VWA8: variants seen among roughly 807,000 people sequenced by gnomAD.
The protein encoded by VWA8 is von Willebrand factor A domain containing 8.
A neutral mutation model predicts 241.5 loss-of-function variants in VWA8; 221 were observed. That is an observed-to-expected ratio of 0.91 (90% CI 0.82 to 1.02). The LOEUF is 1.02. VWA8 is among the 50% of genes least tolerant of loss of function. The pLI is 0.00. For synonymous variants in VWA8, 852 were observed against 827.1 expected, an observed-to-expected ratio of 1.03 and a Z score of -0.52; for missense variants, 2,322 against 2,328.7, an observed-to-expected ratio of 1.00 and a Z score of 0.06.
At chr13:41,760,813 T>C (rs951818851) in intron 21 of VWA8, among the ~76,000 whole-genome samples, 6 of 151,968 alleles carry the variant, frequency 3.9e-5, no homozygotes, top group Non-Finnish European at 7.4e-5. Flanking sequence ...TGTGAGAGAA[T>C]AGGCTTAGAT....
intron 2 of VWA8, among the ~76,000 whole-genome samples, chr13:41,915,677 A>G (rs1273159957): frequency 6.6e-6 from 1 of 152,168 alleles, no homozygotes; most frequent in Non-Finnish European, 1.5e-5. Context: ...TTAGCGAGGA[A>G]ATCAGTAGAG....
chr13:41,864,989 C>CAAAAAAA (rs35515775), intron 12 of VWA8, among the ~76,000 whole-genome samples: 2 of 75,108 alleles, frequency 2.7e-5, no homozygotes, highest in Admixed American at 1.4e-4. Flanking sequence ...AACTCCATCT[C>CAAAAAAA]AAAAAAAAAA....
intron 2 of VWA8, among the ~76,000 whole-genome samples, chr13:41,936,654 A>G (rs1326872169): frequency 6.6e-6 from 1 of 152,186 alleles, no homozygotes; most frequent in Non-Finnish European, 1.5e-5. Context: ...AATTTCAGCT[A>G]GGAGAAATAA....
intron 21 of VWA8, among the ~76,000 whole-genome samples, chr13:41,748,001 A>G (rs1224854091): frequency 6.6e-6 from 1 of 152,138 alleles, no homozygotes; most frequent in African/African-American, 2.4e-5. Context: ...TCGGTTTGCC[A>G]GTATTTTATT....
At chr13:41,817,853 T>C (rs1443912715) in intron 15 of VWA8, among the ~76,000 whole-genome samples, 1 of 152,236 alleles carries the variant, frequency 6.6e-6, no homozygotes, top group African/African-American at 2.4e-5. Context: ...TCTAGAACAG[T>C]ACTGTCCAAT....
intron 39 of VWA8, among the ~76,000 whole-genome samples, chr13:41,610,312 T>G (rs2044579081): frequency 6.6e-6 from 1 of 152,198 alleles, no homozygotes; most frequent in Admixed American, 6.5e-5. Context: ...ACACTTTCAT[T>G]CCTAACATAG....
At chr13:41,796,853 T>C (rs993813298) in intron 17 of VWA8, among the ~76,000 whole-genome samples, 4 of 151,876 alleles carry the variant, frequency 2.6e-5, no homozygotes, top group African/African-American at 9.7e-5. Context: ...GGTCATAGAG[T>C]TGTTAATATT....
In VWA8 at chr13:41,812,324, T is replaced by C. The variant is rs545171166; in HGVS notation, c.1948-984A>G. Among the ~76,000 whole-genome samples, 6 of 152,242 alleles carry C rather than the reference T, an allele frequency of 3.9e-5. No homozygotes were observed. The South Asian group carries it at 8.3e-4, about 21-fold the overall frequency. ...GTAAATGAGATTATTACTGGCCTAA[T>C]TCCTAACTTAGATCAGCAGCATTAG... On this transcript the variant is annotated intron_variant, in intron 16 of 44. Coordinates refer to ENST00000379310, the MANE Select transcript of VWA8 (RefSeq NM_015058.2).
chr13:41,949,912 C>T (rs1172552507), intron 2 of VWA8, 24 bp downstream of exon 2: 3 of 1,377,664 alleles, frequency 2.2e-6, no homozygotes, highest in Non-Finnish European at 3.0e-6. Flanking sequence ...GTTATTCATT[C>T]ATATATTAAT....
chr13:41,830,452 G>C, intron 14 of VWA8, 77 bp downstream of exon 14: 1 of 1,205,364 alleles, frequency 8.3e-7, no homozygotes. Flanking sequence ...CATTATTCTA[G>C]GTTTAGAAAA....
intron 14 of VWA8, among the ~76,000 whole-genome samples, chr13:41,823,174 A>C (rs1469884932): frequency 6.6e-6 from 1 of 152,150 alleles, no homozygotes; most frequent in African/African-American, 2.4e-5. Context: ...CAAGATTTCT[A>C]GGAAGCTAGG....
rs189780804 is a variant in VWA8, at chr13:41,832,010, A to T, written c.1586+1361T>A. Among the ~76,000 whole-genome samples the T allele has an allele frequency of 4.5e-3, 681 of 150,364 alleles. 4 individuals are homozygous for T. Among genetic ancestry groups the T allele is most frequent in the Middle Eastern group, 0.024 (7 of 286 alleles). Reference sequence around the variant, plus strand: ...CAGTGGCGCCATCTCGGCTCACTGCAACCTCCACCTCCCGGGTTCAAGCAA... The same window carrying T: ...CAGTGGCGCCATCTCGGCTCACTGCTACCTCCACCTCCCGGGTTCAAGCAA... On this transcript the variant is annotated intron_variant, in intron 13 of 44. Transcript: ENST00000379310.
chr13:41,829,799 G>A (rs1871349551), intron 14 of VWA8, among the ~76,000 whole-genome samples: 1 of 152,070 alleles, frequency 6.6e-6, no homozygotes, highest in Non-Finnish European at 1.5e-5. Context: ...AAGCTTGTGG[G>A]GGGCGGTGAG....
intron 35 of VWA8, among the ~76,000 whole-genome samples, chr13:41,675,651 G>C (rs191820143): frequency 6.6e-6 from 1 of 152,004 alleles, no homozygotes; most frequent in Non-Finnish European, 1.5e-5. Flanking sequence ...TGGTGGAATC[G>C]GCACACTCTC....
chr13:41,935,423 A>G (rs1021579882), intron 2 of VWA8, among the ~76,000 whole-genome samples: 10 of 152,098 alleles, frequency 6.6e-5, no homozygotes, highest in Non-Finnish European at 1.0e-4. Context: ...AATGAGTCCA[A>G]ATTTCTTAAA....
intron 21 of VWA8, among the ~76,000 whole-genome samples, chr13:41,739,846 TTGTTTTTTTTG>T: frequency 1.8e-5 from 1 of 54,160 alleles, no homozygotes; most frequent in African/African-American, 5.9e-5. Flanking sequence ...TTTGTTTTTT[TTGTTTTTTTTG>T]TTTTTTTTTT....
intron 9 of VWA8, among the ~76,000 whole-genome samples, chr13:41,875,840 C>T (rs1379837822): frequency 6.6e-6 from 1 of 152,028 alleles, no homozygotes; most frequent in Admixed American, 6.6e-5. Flanking sequence ...AGATCTCTCT[C>T]CTGAAATCTT....
intron 2 of VWA8, among the ~76,000 whole-genome samples, chr13:41,938,327 T>C (rs889340912): frequency 6.6e-6 from 1 of 152,144 alleles, no homozygotes; most frequent in Non-Finnish European, 1.5e-5. Flanking sequence ...TAAACGTTGA[T>C]GAGCCTCTTC....
At chr13:41,610,004 G>C (rs1159612860) in intron 39 of VWA8, among the ~76,000 whole-genome samples, 1 of 152,144 alleles carries the variant, frequency 6.6e-6, no homozygotes, top group Non-Finnish European at 1.5e-5. Context: ...CAGGAGAAGG[G>C]CGTACATACT....
Sources: allele counts gnomAD v4.1 joint callset (sites outside exome capture counted in the v4.1 genomes callset), GRCh38; gene constraint gnomAD v4.1.1; transcripts MANE v1.5; gene names NCBI Gene and HGNC (gene_info 2026-07-23, HGNC 2026-07-21).